Variants in PRH1 observed in about 807,000 individuals in gnomAD.
The protein encoded by PRH1 is proline rich protein HaeIII subfamily 1.
A neutral mutation model predicts 7.9 loss-of-function variants in PRH1; 7 were observed. That is an observed-to-expected ratio of 0.89 (90% CI 0.50 to 1.67). The LOEUF is 1.67. Among genes scored for constraint, PRH1 ranks in the 40% most tolerant of loss-of-function variants. PRH1 has a pLI of 0.00. For missense variants in PRH1, 109 were observed against 223.6 expected (o/e 0.49, Z 3.27); for synonymous variants, 45 against 80.8 (o/e 0.56, Z 2.38).
At chr12:11,111,290 G>A (rs1448210221) in intron 1 of PRH1, among the ~76,000 whole-genome samples, 2 of 152,068 alleles carry the variant, frequency 1.3e-5, no homozygotes, top group African/African-American at 4.8e-5. Context: ...CTCAGCTCTG[G>A]ACCAAGCTGA....
intron 1 of PRH1, among the ~76,000 whole-genome samples, chr12:11,093,898 CAGA>C (rs1384196975): frequency 4.4e-5 from 5 of 114,226 alleles, no homozygotes; most frequent in African/African-American, 1.5e-4. Context: ...ACACTGTTCC[CAGA>C]AGAAGAATGA....
intron 1 of PRH1, among the ~76,000 whole-genome samples, chr12:11,112,373 T>C (rs1187994635): frequency 1.3e-5 from 2 of 152,106 alleles, no homozygotes; most frequent in African/African-American, 4.8e-5. Flanking sequence ...TAGGCCAATA[T>C]CCTTGATGAA....
intron 2 of PRH1, among the ~76,000 whole-genome samples, chr12:10,944,450 T>C (rs189315002): frequency 1.6e-4 from 25 of 152,298 alleles, no homozygotes; most frequent in African/African-American, 5.8e-4. Flanking sequence ...GTTTATCAGA[T>C]GAAGGAGCTT....
Position 10,976,508 on chromosome 12 carries a change from A to G in PRH1, c.-125-2787T>C, listed in dbSNP as rs1053875506. On this transcript the variant is annotated intron_variant, in intron 1 of 3. Transcript: ENST00000539853. ...TTAACAACCTAACATCCCAACAAAA[A>G]GACCTAGACAACCATGAGCAAACCA... Among the ~76,000 whole-genome samples the G allele has an allele frequency of 2.0e-5, 3 of 152,202 alleles. No individual in the cohort carries two copies. The East Asian group carries it at 5.8e-4, about 29-fold the overall frequency.
chr12:10,988,400 A>C (rs1255841303), intron 1 of PRH1, among the ~76,000 whole-genome samples: 2 of 152,082 alleles, frequency 1.3e-5, no homozygotes, highest in Non-Finnish European at 2.9e-5. Flanking sequence ...GGTAATAAAA[A>C]AATGTTTGAA....
intron 1 of PRH1, among the ~76,000 whole-genome samples, chr12:11,106,558 G>A (rs1200576860): frequency 5.3e-5 from 8 of 151,968 alleles, no homozygotes; most frequent in East Asian, 3.9e-4. Context: ...TAAAAAACAC[G>A]TTTTCCATTG....
In PRH1 at chr12:10,963,741, G is replaced by T. The variant is rs190872163; in HGVS notation, c.-59+9914C>A. ...TTTTTTCTCAGTTGTTCACATATTT[G>T]TATAAAATCTAATATTCCTCAGTAC... On this transcript the variant is annotated intron_variant, in intron 2 of 3. Coordinates refer to the PRH1 transcript ENST00000539853. Among the ~76,000 whole-genome samples the T allele has an allele frequency of 2.8e-3, 433 of 152,126 alleles. 7 individuals are homozygous for T. The highest frequency in any genetic ancestry group is 0.027 in the Admixed American group (409 of 15,272).
At chr12:10,918,579 A>C (rs1950004851) in intron 2 of PRH1, among the ~76,000 whole-genome samples, 1 of 152,230 alleles carries the variant, frequency 6.6e-6, no homozygotes, top group African/African-American at 2.4e-5. Flanking sequence ...TAAACATTTA[A>C]GACTTTTATT....
chr12:11,132,799 A>C (rs1340991068), intron 1 of PRH1, among the ~76,000 whole-genome samples: 1 of 152,232 alleles, frequency 6.6e-6, no homozygotes, highest in Non-Finnish European at 1.5e-5. Context: ...AAAACCCTGA[A>C]GATACATCCT....
At chr12:11,006,718 T>C (rs1940850451) in intron 1 of PRH1, among the ~76,000 whole-genome samples, 1 of 152,160 alleles carries the variant, frequency 6.6e-6, no homozygotes, top group Non-Finnish European at 1.5e-5. Flanking sequence ...AAATTGGATA[T>C]ACACTTCATT....
intron 1 of PRH1, among the ~76,000 whole-genome samples, chr12:11,147,533 G>C (rs1946902080): frequency 6.6e-6 from 1 of 152,142 alleles, no homozygotes; most frequent in Non-Finnish European, 1.5e-5. Flanking sequence ...GTTGGCAATA[G>C]ATACACTGTT....
intron 2 of PRH1, among the ~76,000 whole-genome samples, chr12:10,967,266 A>T (rs942974445): frequency 6.6e-6 from 1 of 152,072 alleles, no homozygotes; most frequent in Non-Finnish European, 1.5e-5. Flanking sequence ...TAAATGGTGA[A>T]TTTTTTCCTA....
intron 1 of PRH1, 118 bp from the exon 2 acceptor site, chr12:10,883,214 A>G: frequency 8.8e-7 from 1 of 1,141,954 alleles, no homozygotes; most frequent in Non-Finnish European, 1.3e-6. Context: ...TTGTGATCTC[A>G]TCAGCCACTC....
At chr12:11,115,022 A>T (rs1042623471) in intron 1 of PRH1, among the ~76,000 whole-genome samples, 1 of 152,180 alleles carries the variant, frequency 6.6e-6, no homozygotes, top group Non-Finnish European at 1.5e-5. Flanking sequence ...AACAAATAAC[A>T]AAATGACAAA....
rs181645389 is a variant in PRH1, at chr12:11,001,985, G to A, written c.-125-28264C>T. 2.1e-4 allele frequency among the ~76,000 whole-genome samples: 32 copies of A among 152,114 alleles called. 1 individual carries two copies. The highest frequency in any genetic ancestry group is 4.8e-4 in the African/African-American group (20 of 41,516). On this transcript the variant is annotated intron_variant, in intron 1 of 3. Transcript: ENST00000539853. ...CTAATTAAGGAATTTTATTAACACC[G>A]CAACTAAATCTTTCCTATAGTGTTC...
chr12:11,131,383 A>G (rs1215774749), intron 1 of PRH1, among the ~76,000 whole-genome samples: 1 of 152,180 alleles, frequency 6.6e-6, no homozygotes. Context: ...CTCAATTTCC[A>G]CATGTCCCTG....
intron 1 of PRH1, among the ~76,000 whole-genome samples, chr12:11,058,109 C>T (rs984694884): frequency 2.0e-5 from 3 of 152,070 alleles, no homozygotes; most frequent in Non-Finnish European, 2.9e-5. Flanking sequence ...GGTGGTGTGT[C>T]CCTGCAGTCC....
At chr12:11,056,210 A>G (rs1398657298) in intron 1 of PRH1, among the ~76,000 whole-genome samples, 1 of 152,290 alleles carries the variant, frequency 6.6e-6, no homozygotes, top group Admixed American at 6.5e-5. Context: ...TAATTAAAAT[A>G]CTCAGCAATT....
intron 1 of PRH1, among the ~76,000 whole-genome samples, chr12:11,115,756 T>G (rs1221689054): frequency 6.6e-6 from 1 of 151,950 alleles, no homozygotes; most frequent in Non-Finnish European, 1.5e-5. Context: ...TTGGAAACTA[T>G]ACAGACACAT....
Sources: allele counts gnomAD v4.1 joint callset (sites outside exome capture counted in the v4.1 genomes callset), GRCh38; gene constraint gnomAD v4.1.1; transcripts MANE v1.5; gene names NCBI Gene and HGNC (gene_info 2026-07-23, HGNC 2026-07-21).